Variants in UBR1 observed in about 807,000 individuals in gnomAD.
UBR1 encodes ubiquitin protein ligase E3 component n-recognin 1.
A neutral mutation model predicts 242.1 loss-of-function variants in UBR1; 102 were observed. The observed-to-expected ratio is 0.42, with a 90% CI of 0.36 to 0.50. UBR1 has a LOEUF of 0.50. Ranked by LOEUF, UBR1 falls within the 20% of genes least tolerant of loss-of-function variation. The pLI, the probability that UBR1 is intolerant of heterozygous loss-of-function variation, is 0.01. For missense variants in UBR1, 1,772 were observed against 2,101.8 expected, an observed-to-expected ratio of 0.84 and a Z score of 3.07; for synonymous variants, 675 against 684.8, an observed-to-expected ratio of 0.99 and a Z score of 0.22.
intron 6 of UBR1, among the ~76,000 whole-genome samples, chr15:43,064,297 T>C (rs2033726326): frequency 6.6e-6 from 1 of 152,160 alleles, no homozygotes; most frequent in Non-Finnish European, 1.5e-5. Flanking sequence ...CATAAGAAAT[T>C]ACAGTTTTTT....
chr15:42,959,938 G>A (rs1234620389), intron 43 of UBR1, among the ~76,000 whole-genome samples: 2 of 152,194 alleles, frequency 1.3e-5, no homozygotes, highest in African/African-American at 4.8e-5. Flanking sequence ...ATTTAAAGCT[G>A]GGAGTCAATT....
chr15:43,073,828 G>A (rs947096988), intron 4 of UBR1, among the ~76,000 whole-genome samples: 1 of 152,142 alleles, frequency 6.6e-6, no homozygotes, highest in Admixed American at 6.5e-5. Flanking sequence ...ACCCAGACCT[G>A]GAACCAGGTA....
chr15:43,089,605 TTA>T (rs1332682032), intron 1 of UBR1, among the ~76,000 whole-genome samples: 4 of 152,142 alleles, frequency 2.6e-5, no homozygotes, highest in Non-Finnish European at 5.9e-5. Context: ...CATTATTGTA[TTA>T]TTTTTTTTCT....
chr15:43,033,173 G>A (rs568918590), intron 19 of UBR1, among the ~76,000 whole-genome samples: 4 of 151,736 alleles, frequency 2.6e-5, no homozygotes, highest in African/African-American at 9.7e-5. Context: ...ATGCGCCACT[G>A]CTCCTGGCTA....
intron 1 of UBR1, among the ~76,000 whole-genome samples, chr15:43,091,326 G>A (rs1013907547): frequency 3.9e-5 from 6 of 152,106 alleles, no homozygotes; most frequent in African/African-American, 1.4e-4. Flanking sequence ...CAGAAACCAA[G>A]ACACTCAAAG....
chr15:42,991,453 T>G (rs1007341778), intron 33 of UBR1, among the ~76,000 whole-genome samples: 1 of 152,124 alleles, frequency 6.6e-6, no homozygotes, highest in African/African-American at 2.4e-5. Context: ...GAGTGTGGTT[T>G]TCTTATCTGC....
In UBR1 at chr15:43,022,762, G is replaced by C. The variant is rs1360062702; in HGVS notation, c.2779C>G (p.Gln927Glu). 3 of 1,612,082 alleles carry C rather than the reference G, an allele frequency of 1.9e-6. No homozygotes were observed. Among genetic ancestry groups the C allele is most frequent in the African/African-American group, 2.7e-5 (2 of 74,900 alleles). Reference sequence around the variant, plus strand: ...TCTTCAGGAGCTTTTTGAAGCTGTTGCTTCTCTTCTAGTAAACCCAATGCC... The same window carrying C: ...TCTTCAGGAGCTTTTTGAAGCTGTTCCTTCTCTTCTAGTAAACCCAATGCC... ...ILALGLLEEKQQLQKAPEEEV... is the reference protein window; with the variant it reads ...ILALGLLEEKEQLQKAPEEEV... Residue 927 changes from glutamine to glutamate, a missense_variant, in exon 26 of 47, where the codon CAA becomes GAA. Gln to Glu is a conservative substitution (Grantham distance 29, BLOSUM62 2). Coordinates refer to ENST00000290650, the MANE Select transcript of UBR1 (RefSeq NM_174916.3).
chr15:42,946,205 A>C (rs977722467), intron 46 of UBR1, among the ~76,000 whole-genome samples: 1 of 150,906 alleles, frequency 6.6e-6, no homozygotes, highest in Non-Finnish European at 1.5e-5. Flanking sequence ...GCTCAGGGCA[A>C]CCTCTGCCTT....
At chr15:42,978,124 G>A (rs1036960130) in intron 37 of UBR1, among the ~76,000 whole-genome samples, 177 bp from the exon 38 acceptor site, 2 of 152,112 alleles carry the variant, frequency 1.3e-5, no homozygotes, top group Non-Finnish European at 2.9e-5. Flanking sequence ...ACTGAGAAAA[G>A]GCTGCTAGAA....
chr15:43,018,459 G>C (rs2033060456), intron 27 of UBR1, among the ~76,000 whole-genome samples: 1 of 152,140 alleles, frequency 6.6e-6, no homozygotes, highest in South Asian at 2.1e-4. Flanking sequence ...GCACAATCTT[G>C]GCTCACTGCA....
rs2031847198 is a variant in UBR1 at position 42,952,289 on chromosome 15, G to A, written c.4995C>T (p.Cys1665=). The A allele has an allele frequency of 6.2e-7, 1 of 1,614,150 alleles. No homozygotes were observed. Among genetic ancestry groups the A allele is most frequent in the Non-Finnish European group, 8.5e-7 (1 of 1,180,036 alleles). ...CACTCACTACTCACTTTAGGAAAAT[G>A]CAGACTCCGGCTCCACAGTGAAGTG... is the stretch of plus-strand genomic sequence containing the variant. ...FHALHCGAGV[C]IFLKIRECRV... The change falls in exon 45 of 47, where the codon TGC becomes TGT. Residue 1665 remains cysteine, a synonymous_variant. Transcript: ENST00000290650.
rs746733144 is a variant in UBR1, at chr15:43,058,338, T to C, written c.1182+3A>G. 1 of 1,571,018 alleles carries C rather than the reference T, an allele frequency of 6.4e-7. No homozygotes were observed. Among genetic ancestry groups the C allele is most frequent in the Non-Finnish European group, 8.7e-7 (1 of 1,143,814 alleles). On this transcript the variant is annotated splice_donor_region_variant and intron_variant, in intron 10 of 46. Transcript: ENST00000290650. ...TATTGATATCTAATTTATAAATAAT[T>C]ACCTTCACAAATTCCATAGCAAAGA... is the stretch of plus-strand genomic sequence containing the variant.
Position 42,976,593 on chromosome 15 carries a change from A to G in UBR1, c.4369+124T>C, listed in dbSNP as rs1312291880. 3 of 1,266,026 alleles carry G rather than the reference A, an allele frequency of 2.4e-6. No homozygotes were observed. The African/African-American group carries it at 4.5e-5, about 19-fold the overall frequency. The allele number at this position is 1,266,026 out of a possible 1,614,324, so 78.4% of individuals were successfully genotyped here. On this transcript the variant is annotated intron_variant, in intron 39 of 46. Coordinates refer to ENST00000290650, the MANE Select transcript of UBR1 (RefSeq NM_174916.3). Reference sequence around the variant, plus strand: ...AACAGTATCCATTAAAAAACAGATAATCATTCAACAAAAAACATAACACAG... The same window carrying G: ...AACAGTATCCATTAAAAAACAGATAGTCATTCAACAAAAAACATAACACAG...
At chr15:42,965,525 G>A (rs1026540688) in intron 41 of UBR1, among the ~76,000 whole-genome samples, 14 of 150,572 alleles carry the variant, frequency 9.3e-5, no homozygotes, top group Non-Finnish European at 1.8e-4. Flanking sequence ...GTGCAGTGGC[G>A]CAATCTCGGC....
In UBR1 at chr15:43,051,593, A is replaced by T. The variant is rs534718645; in HGVS notation, c.1440-3102T>A. On this transcript the variant is annotated intron_variant, in intron 12 of 46. Coordinates refer to ENST00000290650, the MANE Select transcript of UBR1 (RefSeq NM_174916.3). ...TCAAAATAAAAGTTAAATAAAAATT[A>T]AAAAAAGCAGCTCCCCAGATGATTT... is the stretch of plus-strand genomic sequence containing the variant. Among the ~76,000 whole-genome samples the T allele has an allele frequency of 4.9e-4, 74 of 152,304 alleles. 1 individual carries two copies. The highest frequency in any genetic ancestry group is 1.5e-3 in the African/African-American group (63 of 41,566).
At chr15:42,978,855 A>C (rs1452751667) in intron 37 of UBR1, among the ~76,000 whole-genome samples, 1 of 139,572 alleles carries the variant, frequency 7.2e-6, no homozygotes, top group African/African-American at 2.7e-5. Context: ...CAGCCTCCTG[A>C]GTAGCTGGGA....
chr15:43,068,089 T>TAAAAAAAAAAAAAAAAAAAA (rs375762522), intron 5 of UBR1, 53 bp from the exon 6 acceptor site: 7 of 787,732 alleles, frequency 8.9e-6, no homozygotes, highest in South Asian at 6.2e-5. Flanking sequence ...AAAGGAAAAG[T>TAAAAAAAAAAAAAAAAAAAA]AAAAAAAAAA....
chr15:43,043,448 T>G (rs539625089), intron 14 of UBR1, 53 bp from the exon 15 acceptor site: 32 of 1,586,988 alleles, frequency 2.0e-5, no homozygotes, highest in Non-Finnish European at 2.8e-5. Flanking sequence ...TTTAACACTT[T>G]TTTTGTTTTG....
intron 29 of UBR1, among the ~76,000 whole-genome samples, chr15:43,009,487 C>T (rs1468623608): frequency 1.3e-5 from 2 of 152,236 alleles, no homozygotes; most frequent in African/African-American, 4.8e-5. Flanking sequence ...CTGGTAGTGT[C>T]AGTCAAGTGC....
Sources: allele counts gnomAD v4.1 joint callset (sites outside exome capture counted in the v4.1 genomes callset), GRCh38; gene constraint gnomAD v4.1.1; transcripts MANE v1.5; gene names NCBI Gene and HGNC (gene_info 2026-07-23, HGNC 2026-07-21).